Variants in SLC44A1 observed in about 807,000 individuals in gnomAD.
SLC44A1 encodes the protein choline transporter-like protein 1.
A neutral mutation model predicts 79.3 loss-of-function variants in SLC44A1; 26 were observed. The observed-to-expected ratio is 0.33, with a 90% CI of 0.24 to 0.46. The LOEUF is 0.46. SLC44A1 is among the 20% of genes least tolerant of loss of function. SLC44A1 has a pLI of 1.00. For synonymous variants in SLC44A1, 263 were observed against 286.2 expected, an observed-to-expected ratio of 0.92 and a Z score of 0.82; for missense variants, 688 against 798.1, an observed-to-expected ratio of 0.86 and a Z score of 1.66.
intron 12 of SLC44A1, among the ~76,000 whole-genome samples, chr9:105,373,108 A>T (rs1221955414): frequency 6.6e-6 from 1 of 152,192 alleles, no homozygotes; most frequent in Non-Finnish European, 1.5e-5. Context: ...ACTCCTAATA[A>T]CTAACAAGCT....
chr9:105,404,526 A>G (rs1689406149), intron 15 of SLC44A1, among the ~76,000 whole-genome samples: 1 of 152,238 alleles, frequency 6.6e-6, no homozygotes, highest in Non-Finnish European at 1.5e-5. Flanking sequence ...ATTTGAATTT[A>G]TTGCCAGTGC....
intron 5 of SLC44A1, among the ~76,000 whole-genome samples, chr9:105,355,632 CTGTT>C: frequency 6.6e-6 from 1 of 152,204 alleles, no homozygotes; most frequent in South Asian, 2.1e-4. Flanking sequence ...GCCTATTATG[CTGTT>C]TGTTGATGTC....
chr9:105,351,933 C>T (rs1304539330), intron 5 of SLC44A1, among the ~76,000 whole-genome samples: 1 of 152,090 alleles, frequency 6.6e-6, no homozygotes, highest in Admixed American at 6.5e-5. Flanking sequence ...GTAGTCTATA[C>T]CACAGTGAGT....
chr9:105,301,815 C>T (rs1446699544), intron 2 of SLC44A1, among the ~76,000 whole-genome samples: 1 of 152,210 alleles, frequency 6.6e-6, no homozygotes, highest in Non-Finnish European at 1.5e-5. Flanking sequence ...CTGGAACTTT[C>T]TGGCTATGTC....
intron 1 of SLC44A1, among the ~76,000 whole-genome samples, chr9:105,269,742 G>A (rs1249088056): frequency 6.6e-6 from 1 of 152,186 alleles, no homozygotes; most frequent in African/African-American, 2.4e-5. Flanking sequence ...GTTTTCTACA[G>A]TTGCTTGAAG....
At position 105,395,136 on chromosome 9, in the gene SLC44A1, T is replaced by C. The variant is rs891949050; in HGVS notation, c.*6080T>C. On this transcript the variant is annotated 3_prime_UTR_variant, in exon 16 of 16. Coordinates refer to ENST00000374720, the MANE Select transcript of SLC44A1 (RefSeq NM_080546.5). ...TTTTTCAGGCTGAAGAAAGTGGAAA[T>C]ATAACTGGCTGGTGAAGAAAGGAGA... 11 of 985,336 alleles carry C rather than the reference T, an allele frequency of 1.1e-5. No homozygotes were observed. The highest frequency in any genetic ancestry group is 1.2e-6 in the Non-Finnish European group (1 of 829,966). The allele number at this position is 985,336 out of a possible 1,614,324, so 61.0% of individuals were successfully genotyped here.
chr9:105,334,096 C>T (rs1218475400), intron 3 of SLC44A1, among the ~76,000 whole-genome samples: 1 of 152,070 alleles, frequency 6.6e-6, no homozygotes, highest in East Asian at 1.9e-4. Flanking sequence ...CTCTGTATGC[C>T]CTGCTTCCTT....
intron 12 of SLC44A1, among the ~76,000 whole-genome samples, chr9:105,366,716 T>G (rs1302294824): frequency 6.6e-6 from 1 of 152,190 alleles, no homozygotes; most frequent in East Asian, 1.9e-4. Flanking sequence ...AGATAAAACA[T>G]CACTCTGGTT....
intron 1 of SLC44A1, among the ~76,000 whole-genome samples, chr9:105,262,533 A>G (rs189162202): frequency 6.6e-6 from 1 of 152,256 alleles, no homozygotes; most frequent in Non-Finnish European, 1.5e-5. Flanking sequence ...ATTTTAAAGT[A>G]GAACACATCG....
intron 3 of SLC44A1, among the ~76,000 whole-genome samples, chr9:105,329,590 A>C (rs527507439): frequency 1.3e-5 from 2 of 152,164 alleles, no homozygotes; most frequent in African/African-American, 4.8e-5. Context: ...CCAGGGTATC[A>C]CTGTTCCGTG....
chr9:105,294,086 C>A (rs969295504), intron 1 of SLC44A1, among the ~76,000 whole-genome samples: 2 of 152,160 alleles, frequency 1.3e-5, no homozygotes, highest in African/African-American at 2.4e-5. Flanking sequence ...TTCTTGAATT[C>A]TCCAGTAGTA....
At chr9:105,286,525 A>C (rs575127315) in intron 1 of SLC44A1, among the ~76,000 whole-genome samples, 1 of 152,384 alleles carries the variant, frequency 6.6e-6, no homozygotes, top group Non-Finnish European at 1.5e-5. Context: ...AGTGTTACAC[A>C]GTCACTTTAA....
At chr9:105,377,799 A>G (rs1338012949) in intron 13 of SLC44A1, among the ~76,000 whole-genome samples, 1 of 151,954 alleles carries the variant, frequency 6.6e-6, no homozygotes, top group Admixed American at 6.6e-5. Flanking sequence ...ATGATAAAAC[A>G]CAATGTTCTA....
intron 2 of SLC44A1, among the ~76,000 whole-genome samples, chr9:105,307,446 C>A (rs1023394812): frequency 5.9e-5 from 9 of 152,110 alleles, no homozygotes; most frequent in Admixed American, 1.3e-4. Context: ...GAGTTTGAGA[C>A]CAGCCTGGCC....
rs1554790127 is a variant in SLC44A1, at chr9:105,304,944, G to GTTTTTTTTTGTTTTTTTTT, written c.127-4771_127-4770insGTTTTTTTTTTTTTTTTTT. On this transcript the variant is annotated intron_variant, in intron 2 of 15. Transcript: ENST00000374720. The stretch of plus-strand genomic sequence containing the variant: ...GTAGTTATTCCCTAGACTTTCTATC[G>GTTTTTTTTTGTTTTTTTTT]TTTTTTTTTTTTTTTTTTTTTTTTT... 8.0e-4 allele frequency among the ~76,000 whole-genome samples: 16 copies of GTTTTTTTTTGTTTTTTTTT among 20,086 alleles called. 8 individuals carry two copies. Among genetic ancestry groups the GTTTTTTTTTGTTTTTTTTT allele is most frequent in the Non-Finnish European group, 1.1e-3 (10 of 8,998 alleles). 13.2% of individuals were successfully genotyped at this position (20,086 alleles called of 152,430 possible).
chr9:105,406,310 C>A (rs1168666780), intron 15 of SLC44A1, among the ~76,000 whole-genome samples: 1 of 152,168 alleles, frequency 6.6e-6, no homozygotes, highest in East Asian at 1.9e-4. Context: ...AAGCCAGCAA[C>A]TACAAACCCT....
At chr9:105,423,548 AAGATTTT>A (rs1318744052) in intron 15 of SLC44A1, among the ~76,000 whole-genome samples, 1 of 152,178 alleles carries the variant, frequency 6.6e-6, no homozygotes, top group Admixed American at 6.5e-5. Context: ...GACATGTGAA[AAGATTTT>A]GCTGCAAATC....
intron 3 of SLC44A1, among the ~76,000 whole-genome samples, chr9:105,316,356 C>T (rs1831325518): frequency 6.6e-6 from 1 of 152,046 alleles, no homozygotes; most frequent in Admixed American, 6.6e-5. Flanking sequence ...ATGTCCATAG[C>T]ATGCAATATA....
At chr9:105,303,250 A>C (rs1045506912) in intron 2 of SLC44A1, among the ~76,000 whole-genome samples, 1 of 151,888 alleles carries the variant, frequency 6.6e-6, no homozygotes, top group African/African-American at 2.4e-5. Context: ...TTGTGGAATG[A>C]AGCTTGGGCC....
Sources: gnomAD v4.1 joint callset for allele counts (sites outside exome capture counted in the v4.1 genomes callset) on GRCh38, gnomAD v4.1.1 for gene constraint, MANE v1.5 for transcripts, NCBI Gene and HGNC (gene_info 2026-07-23, HGNC 2026-07-21) for gene names.